Variants in ZBTB7C observed in about 807,000 individuals in gnomAD.
ZBTB7C encodes the protein zinc finger and BTB domain containing 7C.
A neutral mutation model predicts 25.7 loss-of-function variants in ZBTB7C; 8 were observed. The ratio of observed to expected loss-of-function variants is 0.31; its 90% CI spans 0.18 to 0.56. The LOEUF is 0.56. ZBTB7C is among the 20% of genes least tolerant of loss of function. The pLI is 0.91. For synonymous variants in ZBTB7C, 394 were observed against 369.0 expected (o/e 1.07, Z -0.78); for missense variants, 824 against 855.2 (o/e 0.96, Z 0.46).
intron 3 of ZBTB7C, among the ~76,000 whole-genome samples, chr18:48,078,347 A>C (rs1366660260): frequency 2.0e-5 from 3 of 151,022 alleles, no homozygotes; most frequent in African/African-American, 7.3e-5. Flanking sequence ...CAAAGGTGGG[A>C]AAGTGTGGCT....
At chr18:48,167,609 C>T (rs1370553388) in intron 3 of ZBTB7C, among the ~76,000 whole-genome samples, 1 of 67,228 alleles carries the variant, frequency 1.5e-5, no homozygotes, top group African/African-American at 4.7e-5. Context: ...CGCGCGTGCA[C>T]ACGCGCATGC....
chr18:48,196,945 G>C (rs1398220662), intron 2 of ZBTB7C, among the ~76,000 whole-genome samples: 1 of 152,216 alleles, frequency 6.6e-6, no homozygotes, highest in Non-Finnish European at 1.5e-5. Context: ...TTTCCTTCCA[G>C]ATTACCACCT....
At chr18:48,289,026 T>C (rs1011763880) in intron 2 of ZBTB7C, among the ~76,000 whole-genome samples, 1 of 152,182 alleles carries the variant, frequency 6.6e-6, no homozygotes, top group Non-Finnish European at 1.5e-5. Flanking sequence ...TAAAAATTGT[T>C]GACTGAACTT....
chr18:48,064,445 A>C (rs2037243938), intron 3 of ZBTB7C, among the ~76,000 whole-genome samples: 1 of 152,228 alleles, frequency 6.6e-6, no homozygotes, highest in African/African-American at 2.4e-5. Context: ...GAGTTGAGGC[A>C]AGAAGAATGG....
chr18:48,198,958 C>T (rs1382556040), intron 2 of ZBTB7C, among the ~76,000 whole-genome samples: 1 of 152,202 alleles, frequency 6.6e-6, no homozygotes, highest in African/African-American at 2.4e-5. Flanking sequence ...TGAGCCCATG[C>T]CTACCTGAAA....
chr18:48,066,935 C>T (rs1598814066), intron 3 of ZBTB7C, among the ~76,000 whole-genome samples: 4 of 152,224 alleles, frequency 2.6e-5, no homozygotes, highest in Admixed American at 2.6e-4. Context: ...AACCCTGTCT[C>T]TACTAAAAAT....
Position 48,144,719 on chromosome 18 carries a change from C to T in ZBTB7C, c.-17+41215G>A, listed in dbSNP as rs552864572. Among the ~76,000 whole-genome samples, 220 of 152,266 alleles carry T rather than the reference C, an allele frequency of 1.4e-3. 3 individuals are homozygous for T. The South Asian group carries it at 0.044, about 30-fold the overall frequency. ...ATCACTGCACCCCTGACCTCTCACTCAGGACTCCAAGTGTGTGTCTTTGAA... is the reference window on the plus strand; with the variant it reads ...ATCACTGCACCCCTGACCTCTCACTTAGGACTCCAAGTGTGTGTCTTTGAA... On this transcript the variant is annotated intron_variant, in intron 3 of 4. Transcript: ENST00000590800.
At chr18:48,172,353 G>C (rs1433213896) in intron 3 of ZBTB7C, among the ~76,000 whole-genome samples, 6 of 152,210 alleles carry the variant, frequency 3.9e-5, no homozygotes, top group South Asian at 4.1e-4. Context: ...GGAGCAGGCA[G>C]GGGGGCACGG....
intron 3 of ZBTB7C, among the ~76,000 whole-genome samples, chr18:48,111,268 C>A (rs907995511): frequency 6.6e-6 from 1 of 151,956 alleles, no homozygotes; most frequent in African/African-American, 2.4e-5. Flanking sequence ...TGATTTGAGT[C>A]GGAATAAAAA....
chr18:48,039,870 TG>T, intron 4 of ZBTB7C, 29 bp downstream of exon 4: 1 of 1,604,358 alleles, frequency 6.2e-7, no homozygotes, highest in Non-Finnish European at 8.5e-7. Context: ...TCTGGCCCCG[TG>T]CCCCACACCC....
intron 3 of ZBTB7C, among the ~76,000 whole-genome samples, chr18:48,166,423 G>A (rs1453646622): frequency 6.6e-6 from 1 of 152,182 alleles, no homozygotes; most frequent in African/African-American, 2.4e-5. Context: ...TGTGTCTGCA[G>A]AGTTAACTCT....
At chr18:48,263,953 C>T (rs8089188) in intron 2 of ZBTB7C, among the ~76,000 whole-genome samples, 305 of 152,144 alleles carry the variant, frequency 2.0e-3, no homozygotes, top group African/African-American at 6.8e-3. Context: ...CATTTGTAAA[C>T]GGCTAGTGAC....
chr18:48,306,638 G>A (rs572659701), intron 2 of ZBTB7C, among the ~76,000 whole-genome samples: 2 of 152,234 alleles, frequency 1.3e-5, no homozygotes, highest in Admixed American at 1.3e-4. Flanking sequence ...TGTCCAATAT[G>A]CTTATCTTCT....
intron 2 of ZBTB7C, among the ~76,000 whole-genome samples, chr18:48,268,690 G>A (rs905003359): frequency 2.6e-5 from 4 of 152,208 alleles, no homozygotes; most frequent in Non-Finnish European, 4.4e-5. Context: ...AGAGGGCTTG[G>A]AGGAGCCTCA....
At chr18:48,030,030 A>G in intron 4 of ZBTB7C, 119 bp from the exon 5 acceptor site, 1 of 1,322,576 alleles carries the variant, frequency 7.6e-7, no homozygotes. Context: ...GTCAAACCCC[A>G]GAAATAGGTC....
chr18:48,340,289 A>T (rs1316314414), intron 1 of ZBTB7C, among the ~76,000 whole-genome samples: 2 of 152,248 alleles, frequency 1.3e-5, no homozygotes, highest in African/African-American at 4.8e-5. Flanking sequence ...AACCCAGGGT[A>T]GGTAGCAGAT....
At chr18:48,373,029 T>C (rs1419837387) in intron 1 of ZBTB7C, among the ~76,000 whole-genome samples, 1 of 152,220 alleles carries the variant, frequency 6.6e-6, no homozygotes, top group Non-Finnish European at 1.5e-5. Flanking sequence ...TGTTTTACTT[T>C]TCTGTGTTAC....
At position 48,378,752 on chromosome 18, in the gene ZBTB7C, C is replaced by T. The variant is rs577502299; in HGVS notation, c.-304+30474G>A. Reference sequence around the variant, plus strand: ...ACAATATGCAATCATAAAACAAGAACAGAATGCTATAAAATGAACATTCAG... The same window carrying T: ...ACAATATGCAATCATAAAACAAGAATAGAATGCTATAAAATGAACATTCAG... On this transcript the variant is annotated intron_variant, in intron 1 of 4. Coordinates refer to ENST00000590800, the MANE Select transcript of ZBTB7C (RefSeq NM_001318841.2). 1.2e-3 allele frequency among the ~76,000 whole-genome samples: 188 copies of T among 152,154 alleles called. 1 individual carries two copies. The highest frequency in any genetic ancestry group is 4.4e-3 in the African/African-American group (182 of 41,514).
At chr18:48,218,775 G>A (rs1351655366) in intron 2 of ZBTB7C, among the ~76,000 whole-genome samples, 4 of 152,166 alleles carry the variant, frequency 2.6e-5, no homozygotes, top group Admixed American at 1.3e-4. Context: ...TGCATGTGGG[G>A]CTACCCACCT....
Sources: allele counts gnomAD v4.1 joint callset (sites outside exome capture counted in the v4.1 genomes callset), GRCh38; gene constraint gnomAD v4.1.1; transcripts MANE v1.5; gene names NCBI Gene and HGNC (gene_info 2026-07-23, HGNC 2026-07-21).